AKT3: variants seen among roughly 807,000 people sequenced by gnomAD.
The protein encoded by AKT3 is RAC-gamma serine/threonine-protein kinase.
Under a neutral mutation model 65.3 loss-of-function variants are expected in AKT3, and 15 were observed. The observed-to-expected ratio is 0.23, with a 90% CI of 0.15 to 0.35. AKT3 has a LOEUF of 0.35. Ranked by LOEUF, AKT3 falls within the 10% of genes least tolerant of loss-of-function variation. The probability of loss-of-function intolerance (pLI) is 1.00; values close to 1 mark genes in which losing one functional copy is unlikely to be tolerated. For missense variants in AKT3, 243 were observed against 576.5 expected (o/e 0.42, Z 5.92); for synonymous variants, 206 against 183.8 (o/e 1.12, Z -0.98).
intron 3 of AKT3, among the ~76,000 whole-genome samples, chr1:243,669,894 T>C (rs1683050471): frequency 6.6e-6 from 1 of 152,216 alleles, no homozygotes; most frequent in South Asian, 2.1e-4. Flanking sequence ...TAAGTAGTTA[T>C]GCACAACTTC....
chr1:243,838,343 T>C (rs1695026076), intron 2 of AKT3, among the ~76,000 whole-genome samples: 2 of 152,162 alleles, frequency 1.3e-5, no homozygotes, highest in South Asian at 4.1e-4. Context: ...TAATGTACCA[T>C]GTGGTTTACA....
intron 2 of AKT3, among the ~76,000 whole-genome samples, chr1:243,786,296 A>G (rs1373669792): frequency 6.6e-6 from 1 of 152,238 alleles, no homozygotes; most frequent in Non-Finnish European, 1.5e-5. Flanking sequence ...ATAGATATAC[A>G]CAAATCCAGT....
chr1:243,555,268 T>C (rs1673335506), intron 10 of AKT3, among the ~76,000 whole-genome samples: 1 of 152,160 alleles, frequency 6.6e-6, no homozygotes, highest in Admixed American at 6.5e-5. Flanking sequence ...GAGACTTCAC[T>C]ATCAATTAGA....
At chr1:243,719,723 A>G (rs1356029348) in intron 2 of AKT3, among the ~76,000 whole-genome samples, 1 of 152,088 alleles carries the variant, frequency 6.6e-6, no homozygotes, top group Non-Finnish European at 1.5e-5. Flanking sequence ...CATGACTGCC[A>G]TCAGAAGGGA....
intron 6 of AKT3, among the ~76,000 whole-genome samples, chr1:243,615,470 C>T (rs887545828): frequency 6.6e-6 from 1 of 152,104 alleles, no homozygotes; most frequent in African/African-American, 2.4e-5. Flanking sequence ...ATTGAGCTTT[C>T]CTCCTTGAAG....
intron 3 of AKT3, among the ~76,000 whole-genome samples, chr1:243,695,089 C>T (rs945379408): frequency 2.6e-5 from 4 of 151,954 alleles, no homozygotes; most frequent in African/African-American, 9.6e-5. Context: ...TACAAAATTT[C>T]TAAGTAAGTT....
chr1:243,621,027 G>A (rs1678708024), intron 6 of AKT3, among the ~76,000 whole-genome samples: 1 of 152,110 alleles, frequency 6.6e-6, no homozygotes. Context: ...TGAATCTTCT[G>A]AGGCCTCTTT....
chr1:243,791,099 T>C (rs1423508318), intron 2 of AKT3, among the ~76,000 whole-genome samples: 2 of 152,126 alleles, frequency 1.3e-5, no homozygotes, highest in African/African-American at 4.8e-5. Context: ...TTGCCACAAA[T>C]CTTCAATTTG....
At chr1:243,792,862 T>C (rs945150887) in intron 2 of AKT3, among the ~76,000 whole-genome samples, 2 of 152,120 alleles carry the variant, frequency 1.3e-5, no homozygotes, top group Non-Finnish European at 2.9e-5. Context: ...TCTCAAGTCC[T>C]CCAAACACAT....
chr1:243,659,036 A>T (rs1185313101), intron 4 of AKT3, among the ~76,000 whole-genome samples: 1 of 152,142 alleles, frequency 6.6e-6, no homozygotes, highest in African/African-American at 2.4e-5. Context: ...TCTCAAAAAA[A>T]AAAGAAAGAA....
At chr1:243,599,077 A>G (rs1015916688) in intron 8 of AKT3, among the ~76,000 whole-genome samples, 47 of 152,114 alleles carry the variant, frequency 3.1e-4, no homozygotes, top group African/African-American at 1.1e-3. Flanking sequence ...TACACTTTAA[A>G]TATGTACAAA....
chr1:243,719,358 G>T (rs1382224948), intron 2 of AKT3, among the ~76,000 whole-genome samples: 1 of 151,906 alleles, frequency 6.6e-6, no homozygotes. Context: ...ATTCCAAATT[G>T]TTCTATCTTT....
At chr1:243,565,854 T>G (rs1674120295) in intron 9 of AKT3, among the ~76,000 whole-genome samples, 1 of 136,838 alleles carries the variant, frequency 7.3e-6, no homozygotes, top group African/African-American at 2.5e-5. Flanking sequence ...GCCCTTTTAT[T>G]AATTTTTAAA....
chr1:243,779,956 C>T (rs1330411031), intron 2 of AKT3, among the ~76,000 whole-genome samples: 5 of 151,946 alleles, frequency 3.3e-5, no homozygotes, highest in African/African-American at 1.2e-4. Context: ...AGACAGAATT[C>T]ACGAGGGAGA....
chr1:243,731,045 G>A (rs890020903), intron 2 of AKT3, among the ~76,000 whole-genome samples: 1 of 152,198 alleles, frequency 6.6e-6, no homozygotes, highest in Non-Finnish European at 1.5e-5. Flanking sequence ...TGGGTGGAAC[G>A]AGCACAGTGG....
At chr1:243,587,069 C>G (rs1462798808) in intron 8 of AKT3, among the ~76,000 whole-genome samples, 1 of 151,790 alleles carries the variant, frequency 6.6e-6, no homozygotes, top group Non-Finnish European at 1.5e-5. Flanking sequence ...CCTGAGAGGG[C>G]TACAAATTAT....
intron 4 of AKT3, among the ~76,000 whole-genome samples, chr1:243,661,689 G>C (rs1269964162): frequency 6.6e-6 from 1 of 151,418 alleles, no homozygotes; most frequent in African/African-American, 2.4e-5. Flanking sequence ...GGCAACAAAA[G>C]CCAAAATTGA....
intron 6 of AKT3, among the ~76,000 whole-genome samples, chr1:243,635,353 A>G (rs1456464982): frequency 2.0e-5 from 3 of 151,958 alleles, no homozygotes; most frequent in Non-Finnish European, 4.4e-5. Flanking sequence ...TCAACAATCT[A>G]ACTTTATAAC....
At chr1:243,699,500 T>C (rs1166914848) in intron 2 of AKT3, among the ~76,000 whole-genome samples, 1 of 72,532 alleles carries the variant, frequency 1.4e-5, no homozygotes, top group African/African-American at 4.4e-5. Flanking sequence ...TATATATATA[T>C]ATATATATAT....
Sources: allele counts gnomAD v4.1 joint callset (sites outside exome capture counted in the v4.1 genomes callset), GRCh38; gene constraint gnomAD v4.1.1; transcripts MANE v1.5; gene names NCBI Gene and HGNC (gene_info 2026-07-23, HGNC 2026-07-21).